PCMTD2: variants seen among roughly 807,000 people sequenced by gnomAD.
The protein encoded by PCMTD2 is protein-L-isoaspartate (D-aspartate) O-methyltransferase domain containing 2.
A neutral mutation model predicts 33.4 loss-of-function variants in PCMTD2; 16 were observed. That is an observed-to-expected ratio of 0.48 (90% CI 0.32 to 0.73). The LOEUF is 0.73. PCMTD2 is among the 30% of genes least tolerant of loss of function. The pLI is 0.03. For synonymous variants in PCMTD2, 161 were observed against 160.8 expected, an observed-to-expected ratio of 1.00 and a Z score of -0.01; for missense variants, 374 against 449.9, an observed-to-expected ratio of 0.83 and a Z score of 1.53.
At position 64,275,594 on chromosome 20, in the gene PCMTD2, GTAATATATGTGAGAAA is replaced by G. The variant is rs1038947618; in HGVS notation, c.*1997_*2012del. 1.3e-5 allele frequency: 2 copies of G among 152,112 alleles called. No homozygotes were observed. The highest frequency in any genetic ancestry group is 2.9e-5 in the Non-Finnish European group (2 of 68,014). The allele number at this position is 152,112 out of a possible 1,614,324, so 9.4% of individuals were successfully genotyped here. ...AATTTGGTTTAAAAAAAATCTGGTG[GTAATATATGTGAGAAA>G]TACTTTGGTGTTTACCTTATGAAAA... is the stretch of plus-strand genomic sequence containing the variant. On this transcript the variant is annotated 3_prime_UTR_variant, in exon 6 of 6. Transcript: ENST00000308824.
chr20:64,270,748 C>T (rs6062360), intron 5 of PCMTD2, among the ~76,000 whole-genome samples: 47,634 of 106,106 alleles, frequency 0.45, 10,201 homozygotes, highest in African/African-American at 0.73. Flanking sequence ...AGGAAGGGCA[C>T]GTGAGGTGTT....
In PCMTD2 at chr20:64,275,215, T is replaced by C. The variant is rs1222905932; in HGVS notation, c.*1615T>C. The C allele has an allele frequency of 1.3e-5, 2 of 152,232 alleles. No homozygotes were observed. The highest frequency in any genetic ancestry group is 3.8e-4 in the East Asian group (2 of 5,206). The allele number at this position is 152,232 out of a possible 1,614,324, so 9.4% of individuals were successfully genotyped here. A position where few individuals can be genotyped will look rare whatever the true frequency, so the allele number is the denominator to read the frequency against. Reference sequence around the variant, plus strand: ...TTCATAGTTGTTGCCTTTTAACTCATAGTCAAGCTTCAGTCTTTCAAAGAG... The same window carrying C: ...TTCATAGTTGTTGCCTTTTAACTCACAGTCAAGCTTCAGTCTTTCAAAGAG... On this transcript the variant is annotated 3_prime_UTR_variant, in exon 6 of 6. Transcript: ENST00000308824.
At chr20:64,263,424 GT>G (rs1985517993) in intron 2 of PCMTD2, among the ~76,000 whole-genome samples, 1 of 152,212 alleles carries the variant, frequency 6.6e-6, no homozygotes, top group African/African-American at 2.4e-5. Flanking sequence ...GTGCAAAGGT[GT>G]GGGATGCACA....
rs1248035733 is a variant in PCMTD2 at position 64,275,320 on chromosome 20, CACTT to C, written c.*1725_*1728del. ...GGCATTATTCTAACTGATACGTAGA[CACTT>C]ACTTGGAAATTTTTGGACATTATAT... On this transcript the variant is annotated 3_prime_UTR_variant, in exon 6 of 6. Coordinates refer to ENST00000308824, the MANE Select transcript of PCMTD2 (RefSeq NM_018257.3). 2.6e-4 allele frequency: 40 copies of C among 152,230 alleles called. No individual in the cohort carries two copies. Among genetic ancestry groups the C allele is most frequent in the Admixed American group, 2.5e-3 (38 of 15,304 alleles). The allele number at this position is 152,230 out of a possible 1,614,324, so 9.4% of individuals were successfully genotyped here. A position where few individuals can be genotyped will look rare whatever the true frequency, so the allele number is the denominator to read the frequency against.
rs1468696165 is a variant in PCMTD2, at chr20:64,275,021, AGTGTCTCT to A, written c.*1425_*1432del. Reference sequence around the variant, plus strand: ...AGCTTCTTGGGAGTTGCTGGGCTTCAGTGTCTCTGTGGTTTCACCAGCTTAGCTTGAGC... The same window carrying A: ...AGCTTCTTGGGAGTTGCTGGGCTTCAGTGGTTTCACCAGCTTAGCTTGAGC... On this transcript the variant is annotated 3_prime_UTR_variant, in exon 6 of 6. Transcript: ENST00000308824. 1 of 151,986 alleles carries A rather than the reference AGTGTCTCT, an allele frequency of 6.6e-6. No individual in the cohort carries two copies. Among genetic ancestry groups the A allele is most frequent in the African/African-American group, 2.4e-5 (1 of 41,374 alleles). 9.4% of individuals were successfully genotyped at this position (151,986 alleles called of 1,614,324 possible). A position where few individuals can be genotyped will look rare whatever the true frequency, so the allele number is the denominator to read the frequency against.
chr20:64,268,135 G>A, intron 5 of PCMTD2, 125 bp downstream of exon 5: 3 of 426,038 alleles, frequency 7.0e-6, no homozygotes, highest in South Asian at 5.8e-5. Flanking sequence ...TGCTGAAACT[G>A]TAAAATTCTA....
rs1986035705 is a variant in PCMTD2 at position 64,274,468 on chromosome 20, G to A, written c.*868G>A. 1.3e-5 allele frequency: 2 copies of A among 152,106 alleles called. No individual in the cohort carries two copies. Among genetic ancestry groups the A allele is most frequent in the South Asian group, 2.1e-4 (1 of 4,820 alleles). The allele number at this position is 152,106 out of a possible 1,614,324, so 9.4% of individuals were successfully genotyped here. A position where few individuals can be genotyped will look rare whatever the true frequency, so the allele number is the denominator to read the frequency against. Reference sequence around the variant, plus strand: ...GGATGATTCTTTACCCAGTTTTAAAGCCCATCATGGTATTCTAAGGTGTTG... The same window carrying A: ...GGATGATTCTTTACCCAGTTTTAAAACCCATCATGGTATTCTAAGGTGTTG... On this transcript the variant is annotated 3_prime_UTR_variant, in exon 6 of 6. Coordinates refer to ENST00000308824, the MANE Select transcript of PCMTD2 (RefSeq NM_018257.3).
rs1986050985 is a variant in PCMTD2 at position 64,274,823 on chromosome 20, A to G, written c.*1223A>G. 2 of 152,254 alleles carry G rather than the reference A, an allele frequency of 1.3e-5. No individual in the cohort carries two copies. The allele number at this position is 152,254 out of a possible 1,614,324, so 9.4% of individuals were successfully genotyped here. A position where few individuals can be genotyped will look rare whatever the true frequency, so the allele number is the denominator to read the frequency against. ...CTAAAAGAACAACAGCCTTTTTGGT[A>G]GTCACATAGCAGAATGATCAGAGTT... On this transcript the variant is annotated 3_prime_UTR_variant, in exon 6 of 6. Transcript: ENST00000308824.
rs1986072352 is a variant in PCMTD2, at chr20:64,275,625, C to A, written c.*2025C>A. 6.6e-6 allele frequency: 1 copy of A among 152,080 alleles called. No homozygotes were observed. Among genetic ancestry groups the A allele is most frequent in the Admixed American group, 6.5e-5 (1 of 15,268 alleles). The allele number at this position is 152,080 out of a possible 1,614,324, so 9.4% of individuals were successfully genotyped here. On this transcript the variant is annotated 3_prime_UTR_variant, in exon 6 of 6. Transcript: ENST00000308824. ...TATGTGAGAAATACTTTGGTGTTTA[C>A]CTTATGAAAATAAAGGATTGTAAGT...
intron 4 of PCMTD2, chr20:64,265,692 C>T (rs190599741): frequency 5.6e-6 from 2 of 356,256 alleles, no homozygotes. Flanking sequence ...TTCTTCTGTC[C>T]CTTCCCCCTC....
chr20:64,261,290 T>G (rs747012230), intron 2 of PCMTD2, among the ~76,000 whole-genome samples: 1 of 152,182 alleles, frequency 6.6e-6, no homozygotes, highest in Non-Finnish European at 1.5e-5. Flanking sequence ...GCCAGGCTGC[T>G]GAGGCAAAGC....
Position 64,260,091 on chromosome 20 carries a change from T to C in PCMTD2, c.126T>C (p.Tyr42=), listed in dbSNP as rs375893142. 1.2e-6 allele frequency: 2 copies of C among 1,613,352 alleles called. No individual in the cohort carries two copies. Among genetic ancestry groups the C allele is most frequent in the African/African-American group, 1.3e-5 (1 of 74,896 alleles). The change falls in exon 2 of 6, where the codon TAT becomes TAC. Residue 42 remains tyrosine (Y), a synonymous_variant. Coordinates refer to ENST00000308824, the MANE Select transcript of PCMTD2 (RefSeq NM_018257.3). ...AFRAIDRADY[Y]LEEFKENAYK... ...GAGCTATCGATCGTGCAGACTATTA[T>C]CTTGAAGAATTTAAAGAAAATGCTT...
At chr20:64,270,395 G>A (rs1365846967) in intron 5 of PCMTD2, among the ~76,000 whole-genome samples, 1 of 151,090 alleles carries the variant, frequency 6.6e-6, no homozygotes, top group Non-Finnish European at 1.5e-5. Context: ...GTGTGAATGC[G>A]GGCCTGCACG....
intron 1 of PCMTD2, among the ~76,000 whole-genome samples, chr20:64,257,274 A>T (rs905325503): frequency 6.6e-6 from 1 of 152,340 alleles, no homozygotes; most frequent in African/African-American, 2.4e-5. Flanking sequence ...CTCAGGTGTC[A>T]GTTCTGAGAC....
Position 64,259,948 on chromosome 20 carries a change from C to CTAAG in PCMTD2, c.-16_-13dup, listed in dbSNP as rs1178376808. ...TAAACATTTTTAATTATAGTATTGC[C>CTAAG]TAAGTGTAATCTTGAACATGGGCGG... On this transcript the variant is annotated 5_prime_UTR_variant, in exon 2 of 6. The change creates a premature stop within an existing upstream ORF in the 5' untranslated region. Transcript: ENST00000308824. 3 of 1,556,548 alleles carry CTAAG rather than the reference C, an allele frequency of 1.9e-6. No individual in the cohort carries two copies. Among genetic ancestry groups the CTAAG allele is most frequent in the Non-Finnish European group, 2.7e-6 (3 of 1,130,662 alleles).
At chr20:64,272,060 G>C in intron 5 of PCMTD2, 1 of 395,932 alleles carries the variant, frequency 2.5e-6, no homozygotes, top group South Asian at 1.8e-5. Flanking sequence ...GCCGGAGCCT[G>C]TCCTGGAGAA....
At position 64,267,903 on chromosome 20, in the gene PCMTD2, G is replaced by A. The variant is rs759306579; in HGVS notation, c.599G>A (p.Arg200His). The change falls in exon 5 of 6, where the codon CGC becomes CAC. Residue 200 changes from arginine (R) to histidine (H), a missense_variant. Coordinates refer to ENST00000308824, the MANE Select transcript of PCMTD2 (RefSeq NM_018257.3). ...CTGGGATAGTTGACTAAGATAACAC[G>A]CACAGGTCCTTCAGCTTGGGAAACC... ...PLEEKLTKIT[R>H]TGPSAWETKK... 3 of 1,613,326 alleles carry A rather than the reference G, an allele frequency of 1.9e-6. No homozygotes were observed. Among genetic ancestry groups the A allele is most frequent in the East Asian group, 2.2e-5 (1 of 44,876 alleles).
Position 64,274,093 on chromosome 20 carries a change from C to T in PCMTD2, c.*493C>T, listed in dbSNP as rs1390657243. The T allele has an allele frequency of 6.6e-6, 1 of 152,668 alleles. No individual in the cohort carries two copies. The highest frequency in any genetic ancestry group is 2.4e-5 in the African/African-American group (1 of 41,462). The allele number at this position is 152,668 out of a possible 1,614,324, so 9.5% of individuals were successfully genotyped here. A position where few individuals can be genotyped will look rare whatever the true frequency, so the allele number is the denominator to read the frequency against. ...CAAGTTTGAATTTTTATGATATGTACCACTTAATTACTGGCACTGAGTATC... is the reference window on the plus strand; with the variant it reads ...CAAGTTTGAATTTTTATGATATGTATCACTTAATTACTGGCACTGAGTATC... On this transcript the variant is annotated 3_prime_UTR_variant, in exon 6 of 6. Coordinates refer to ENST00000308824, the MANE Select transcript of PCMTD2 (RefSeq NM_018257.3).
intron 5 of PCMTD2, among the ~76,000 whole-genome samples, chr20:64,268,573 C>T (rs1381169654): frequency 3.3e-5 from 5 of 152,114 alleles, no homozygotes; most frequent in African/African-American, 1.2e-4. Context: ...ACAGCAAAAC[C>T]TCCTAATGTT....
Sources: allele counts gnomAD v4.1 joint callset (sites outside exome capture counted in the v4.1 genomes callset), GRCh38; gene constraint gnomAD v4.1.1; transcripts MANE v1.5; gene names NCBI Gene and HGNC (gene_info 2026-07-23, HGNC 2026-07-21).